The following RELN variants were observed in gnomAD, a reference collection of about 807,000 sequenced individuals.
RELN encodes the protein reelin.
A neutral mutation model predicts 427.6 loss-of-function variants in RELN; 108 were observed. The ratio of observed to expected loss-of-function variants is 0.25; its 90% CI spans 0.22 to 0.30. RELN has a LOEUF of 0.30. Ranked by LOEUF, RELN falls within the 10% of genes least tolerant of loss-of-function variation. The pLI is 1.00. For synonymous variants in RELN, 1,524 were observed against 1,513.4 expected (o/e 1.01, Z -0.16); for missense variants, 3,715 against 4,302.8 (o/e 0.86, Z 3.82).
At chr7:103,507,401 T>C (rs996972856) in intron 51 of RELN, among the ~76,000 whole-genome samples, 2 of 152,126 alleles carry the variant, frequency 1.3e-5, no homozygotes, top group African/African-American at 2.4e-5. Flanking sequence ...CACAACTACA[T>C]GGAAACTGAA....
At chr7:103,966,540 T>C (rs976047184) in intron 1 of RELN, among the ~76,000 whole-genome samples, 2 of 152,150 alleles carry the variant, frequency 1.3e-5, no homozygotes, top group African/African-American at 2.4e-5. Context: ...AGAAATGACA[T>C]TCAAGGACTA....
At chr7:103,829,853 T>A (rs1019402756) in intron 3 of RELN, among the ~76,000 whole-genome samples, 1 of 151,984 alleles carries the variant, frequency 6.6e-6, no homozygotes, top group African/African-American at 2.4e-5. Flanking sequence ...ACGGGATTTT[T>A]AAAAAAGGAT....
In RELN at chr7:103,566,724, G is replaced by A; in HGVS notation, c.4624C>T (p.Leu1542Phe). ...IVQYSNDNGI[L>F]WHLLRELDFM... ...TCCAACTCTCGAAGCAAATGCCAGA[G>A]TATCCCATTGTCATTTGAATACTGA... Residue 1542 changes from leucine (L) to phenylalanine (F), a missense_variant, in exon 32 of 65, where the codon CTC (leucine) becomes TTC (phenylalanine). By Grantham distance (22) the Leu-to-Phe change is conservative. Around this residue, in one of 4 missense-constraint regions of RELN, gnomAD observed 2,208 missense variants for 2,361.7 expected, o/e 0.93. Coordinates refer to ENST00000428762, the MANE Select transcript of RELN (RefSeq NM_005045.4). 1 of 1,614,094 alleles carries A rather than the reference G, an allele frequency of 6.2e-7. No individual in the cohort carries two copies. The highest frequency in any genetic ancestry group is 8.5e-7 in the Non-Finnish European group (1 of 1,179,948).
In RELN at chr7:103,561,921, G is replaced by A; in HGVS notation, c.5243C>T (p.Ala1748Val). The change falls in exon 35 of 65, where the codon GCC (alanine) becomes GTC (valine). Residue 1748 changes from alanine to valine, a missense_variant. This residue lies in a region of RELN where 2,208 missense variants were observed against 2,361.7 expected (regional missense o/e 0.93). Transcript: ENST00000428762. ...SPRTRFRWIQ[A>V]NYTVGADSWA... is the part of the protein sequence containing the mutation. ...GGAATCAGCCCCCACAGTGTAGTTG[G>A]CCTGAATCCATCTGAACCGGGTCCT... 1 of 1,586,864 alleles carries A rather than the reference G, an allele frequency of 6.3e-7. No individual in the cohort carries two copies.
At chr7:103,732,330 G>T (rs1790374913) in intron 6 of RELN, among the ~76,000 whole-genome samples, 1 of 152,104 alleles carries the variant, frequency 6.6e-6, no homozygotes, top group Non-Finnish European at 1.5e-5. Flanking sequence ...ATCCTTCAGT[G>T]TGTATCAATC....
intron 2 of RELN, among the ~76,000 whole-genome samples, chr7:103,844,360 C>T (rs938299036): frequency 1.3e-5 from 2 of 152,066 alleles, no homozygotes; most frequent in Non-Finnish European, 2.9e-5. Flanking sequence ...CTACTCAGCA[C>T]CATGATTCAG....
At chr7:103,715,558 G>C (rs979499105) in intron 8 of RELN, among the ~76,000 whole-genome samples, 9 of 152,078 alleles carry the variant, frequency 5.9e-5, no homozygotes, top group African/African-American at 1.7e-4. Flanking sequence ...CCTCATTAGG[G>C]GACTTCTTCC....
intron 3 of RELN, among the ~76,000 whole-genome samples, chr7:103,831,979 TTCAC>T (rs1364076970): frequency 3.3e-5 from 5 of 152,172 alleles, no homozygotes; most frequent in Admixed American, 6.6e-5. Context: ...AAGGAAAATG[TTCAC>T]TCACTTATAA....
At position 103,905,789 on chromosome 7, in the gene RELN, G is replaced by A. The variant is rs557689581; in HGVS notation, c.337+11286C>T. On this transcript the variant is annotated intron_variant, in intron 2 of 64. Transcript: ENST00000428762. The stretch of plus-strand genomic sequence containing the variant: ...GGTTTTTAAACAAGCAAATTTGGTA[G>A]CTTGTTAGAGGTGACTGGTGGAGGT... Among the ~76,000 whole-genome samples the A allele has an allele frequency of 4.3e-4, 66 of 152,318 alleles. No homozygotes were observed. In the South Asian group the frequency reaches 0.013, roughly 31 times the overall value.
chr7:103,850,912 T>C (rs1049372327), intron 2 of RELN, among the ~76,000 whole-genome samples: 1 of 152,186 alleles, frequency 6.6e-6, no homozygotes, highest in Non-Finnish European at 1.5e-5. Context: ...ATAGCCACTA[T>C]GGAAAACAGT....
chr7:103,613,607 G>C (rs1396711980), intron 20 of RELN, among the ~76,000 whole-genome samples: 1 of 152,132 alleles, frequency 6.6e-6, no homozygotes, highest in Non-Finnish European at 1.5e-5. Flanking sequence ...TAAGAAATAG[G>C]CATTGCTTTT....
intron 3 of RELN, among the ~76,000 whole-genome samples, chr7:103,823,359 GTTATC>G (rs1041501376): frequency 3.3e-5 from 5 of 151,980 alleles, no homozygotes; most frequent in East Asian, 1.9e-4. Flanking sequence ...AAAATTATTT[GTTATC>G]TTATATTACA....
At chr7:103,545,717 C>T (rs531910321) in intron 41 of RELN, among the ~76,000 whole-genome samples, 1 of 152,256 alleles carries the variant, frequency 6.6e-6, no homozygotes, top group East Asian at 1.9e-4. Flanking sequence ...TCTTGGCTCA[C>T]TGCAACCTCC....
At chr7:103,624,346 T>A (rs1398181329) in intron 20 of RELN, among the ~76,000 whole-genome samples, 1 of 152,188 alleles carries the variant, frequency 6.6e-6, no homozygotes, top group African/African-American at 2.4e-5. Flanking sequence ...CACCTGGGGC[T>A]GGTGTGGAAA....
intron 1 of RELN, among the ~76,000 whole-genome samples, chr7:103,982,445 T>C (rs768884025): frequency 3.3e-5 from 5 of 152,128 alleles, no homozygotes; most frequent in African/African-American, 4.8e-5. Context: ...GTTTTCATAT[T>C]ACTATCAGTA....
At chr7:103,768,411 G>T (rs1429476025) in intron 4 of RELN, among the ~76,000 whole-genome samples, 1 of 151,982 alleles carries the variant, frequency 6.6e-6, no homozygotes, top group Non-Finnish European at 1.5e-5. Context: ...ACATTAAGGG[G>T]ACTCCTTACA....
chr7:103,887,163 C>G (rs1291723198), intron 2 of RELN, among the ~76,000 whole-genome samples: 2 of 152,146 alleles, frequency 1.3e-5, no homozygotes, highest in African/African-American at 2.4e-5. Context: ...TGCTAAAGAG[C>G]TGAAATAGAG....
chr7:103,871,662 G>T (rs757658088), intron 2 of RELN, among the ~76,000 whole-genome samples: 1 of 152,034 alleles, frequency 6.6e-6, no homozygotes, highest in Non-Finnish European at 1.5e-5. Context: ...AACAGCAAAG[G>T]GTCACAGACA....
rs362798 is a variant in RELN at position 103,562,235 on chromosome 7, C to T, written c.5211-282G>A. On this transcript the variant is annotated intron_variant, in intron 34 of 64. Transcript: ENST00000428762. ...TGTGAAATGGAAAAGTTATTTTGAACTATCCACTTGTTTTGTTTTTGAAAT... is the reference window on the plus strand; with the variant it reads ...TGTGAAATGGAAAAGTTATTTTGAATTATCCACTTGTTTTGTTTTTGAAAT... Among the ~76,000 whole-genome samples, 2,489 of 152,196 alleles carry T rather than the reference C, an allele frequency of 0.016. 62 individuals carry two copies. The highest frequency in any genetic ancestry group is 0.056 in the African/African-American group (2,336 of 41,504).
Sources: gnomAD v4.1 joint callset for allele counts (sites outside exome capture counted in the v4.1 genomes callset) on GRCh38, gnomAD v4.1.1 for gene constraint, gnomAD v4.1.1 regional missense constraint, MANE v1.5 for transcripts, NCBI Gene and HGNC (gene_info 2026-07-23, HGNC 2026-07-21) for gene names.